TRPM3: variants seen among roughly 807,000 people sequenced by gnomAD.
TRPM3 encodes long transient receptor potential channel 3.
Under a neutral mutation model 181.2 loss-of-function variants are expected in TRPM3, and 77 were observed. That is an observed-to-expected ratio of 0.42 (90% CI 0.35 to 0.51). TRPM3 has a LOEUF of 0.51. Ranked by LOEUF, TRPM3 falls within the 20% of genes least tolerant of loss-of-function variation. The pLI, the probability that TRPM3 is intolerant of heterozygous loss-of-function variation, is 0.01. For missense variants in TRPM3, 1,759 were observed against 2,196.7 expected, an observed-to-expected ratio of 0.80 and a Z score of 3.98; for synonymous variants, 745 against 796.4, an observed-to-expected ratio of 0.94 and a Z score of 1.09.
At chr9:70,678,945 A>T (rs1445475345) in intron 9 of TRPM3, among the ~76,000 whole-genome samples, 1 of 152,270 alleles carries the variant, frequency 6.6e-6, no homozygotes, top group African/African-American at 2.4e-5. Flanking sequence ...AAGCCTTCGC[A>T]AAATAGAGTT....
chr9:71,436,583 G>A (rs1396610968), intron 1 of TRPM3, among the ~76,000 whole-genome samples: 5 of 152,124 alleles, frequency 3.3e-5, no homozygotes, highest in Non-Finnish European at 5.9e-5. Flanking sequence ...GATTACAGGC[G>A]TGAGCCACCA....
intron 1 of TRPM3, among the ~76,000 whole-genome samples, chr9:70,990,015 A>C (rs3124516): frequency 0.84 from 128,560 of 152,148 alleles, 54,682 homozygotes; most frequent in East Asian, 0.92. Flanking sequence ...AGGTACTGTA[A>C]ATTCTAAACT....
rs566778643 is a variant in TRPM3 at position 70,669,752 on chromosome 9, T to C, written c.1345+11754A>G. Among the ~76,000 whole-genome samples, 33 of 151,054 alleles carry C rather than the reference T, an allele frequency of 2.2e-4. No homozygotes were observed. In the South Asian group the frequency reaches 6.7e-3, roughly 31 times the overall value. On this transcript the variant is annotated intron_variant, in intron 9 of 25. Transcript: ENST00000677713. ...TTTCTTTCTTTCTTTCTTTTCTTTT[T>C]TTTTTTTTTGAGACAGCATCTCCCT... is the stretch of plus-strand genomic sequence containing the variant.
intron 1 of TRPM3, among the ~76,000 whole-genome samples, chr9:71,284,970 T>C (rs1471544500): frequency 6.6e-6 from 1 of 152,202 alleles, no homozygotes; most frequent in Non-Finnish European, 1.5e-5. Flanking sequence ...AAGCTGCAAT[T>C]CTCAAACATT....
intron 25 of TRPM3, 91 bp downstream of exon 25, chr9:70,549,450 AT>A (rs2045924683): frequency 6.3e-6 from 9 of 1,436,694 alleles, no homozygotes; most frequent in Non-Finnish European, 8.4e-6. Context: ...AACACAAAAG[AT>A]CTCTGTTTTG....
At chr9:70,550,722 T>A (rs1163630970) in intron 24 of TRPM3, among the ~76,000 whole-genome samples, 1 of 152,230 alleles carries the variant, frequency 6.6e-6, no homozygotes, top group Non-Finnish European at 1.5e-5. Context: ...TTTTGGACCC[T>A]CAGGGATTTA....
At chr9:71,096,590 A>ACACACACACACACACTCTCTCTCTCTCT (rs1452142664) in intron 1 of TRPM3, among the ~76,000 whole-genome samples, 1 of 89,998 alleles carries the variant, frequency 1.1e-5, no homozygotes, top group African/African-American at 5.2e-5. Flanking sequence ...ACACACACAC[A>ACACACACACACACACTCTCTCTCTCTCT]CTCTCTCTCT....
chr9:71,309,992 A>T (rs780194413), intron 1 of TRPM3, among the ~76,000 whole-genome samples: 103 of 152,276 alleles, frequency 6.8e-4, no homozygotes, highest in Admixed American at 2.9e-3. Context: ...TTCATAAATG[A>T]AACAGGTGTA....
At chr9:70,835,312 CT>C (rs34725105) in intron 5 of TRPM3, among the ~76,000 whole-genome samples, 6,480 of 150,536 alleles carry the variant, frequency 0.043, 234 homozygotes, top group East Asian at 0.13. Context: ...TTTTGAGGTA[CT>C]TTTTTTTTTT....
intron 1 of TRPM3, among the ~76,000 whole-genome samples, chr9:71,250,619 A>G (rs2082288236): frequency 6.6e-6 from 1 of 152,210 alleles, no homozygotes; most frequent in Non-Finnish European, 1.5e-5. Context: ...AAGGATTCCT[A>G]GTCTCAAGGA....
At chr9:70,759,768 G>A (rs2077743164) in intron 8 of TRPM3, among the ~76,000 whole-genome samples, 1 of 152,082 alleles carries the variant, frequency 6.6e-6, no homozygotes, top group Non-Finnish European at 1.5e-5. Context: ...TCACTCATAA[G>A]CTGGAGCTGA....
At chr9:70,758,779 T>C (rs570162327) in intron 8 of TRPM3, among the ~76,000 whole-genome samples, 1 of 152,354 alleles carries the variant, frequency 6.6e-6, no homozygotes, top group Non-Finnish European at 1.5e-5. Flanking sequence ...GATAGCCATA[T>C]GCAGAAAACT....
At chr9:71,075,907 T>C (rs1015571791) in intron 1 of TRPM3, among the ~76,000 whole-genome samples, 1 of 152,154 alleles carries the variant, frequency 6.6e-6, no homozygotes, top group Non-Finnish European at 1.5e-5. Context: ...TTCCTCTACA[T>C]GAAACACAAA....
intron 8 of TRPM3, among the ~76,000 whole-genome samples, chr9:70,738,789 T>G (rs2073342834): frequency 6.6e-6 from 1 of 152,086 alleles, no homozygotes; most frequent in African/African-American, 2.4e-5. Context: ...GAAATGAAAC[T>G]GGAGATATTA....
At chr9:71,151,144 T>C (rs1229553622) in intron 1 of TRPM3, among the ~76,000 whole-genome samples, 2 of 152,196 alleles carry the variant, frequency 1.3e-5, no homozygotes, top group African/African-American at 2.4e-5. Flanking sequence ...AAATGAAATA[T>C]TCATAAGTTG....
intron 7 of TRPM3, among the ~76,000 whole-genome samples, chr9:70,782,580 G>C (rs545097704): frequency 1.1e-4 from 17 of 152,210 alleles, no homozygotes; most frequent in African/African-American, 4.1e-4. Context: ...TGTAAACATA[G>C]AGAAGTTTGG....
chr9:71,428,593 CTG>C (rs906954804), intron 1 of TRPM3, among the ~76,000 whole-genome samples: 1 of 152,092 alleles, frequency 6.6e-6, no homozygotes, highest in Non-Finnish European at 1.5e-5. Flanking sequence ...GTATGTGTGA[CTG>C]TTTATATCAT....
intron 1 of TRPM3, among the ~76,000 whole-genome samples, chr9:70,926,836 G>C (rs2096726032): frequency 6.6e-6 from 1 of 152,186 alleles, no homozygotes; most frequent in African/African-American, 2.4e-5. Context: ...AAAGGTGTCA[G>C]CAACCTTGCA....
intron 1 of TRPM3, among the ~76,000 whole-genome samples, chr9:71,404,742 C>T (rs911147984): frequency 1.3e-5 from 2 of 152,152 alleles, no homozygotes; most frequent in African/African-American, 4.8e-5. Context: ...GGACTTCATG[C>T]AAAACAAAAG....
Sources: allele counts gnomAD v4.1 joint callset (sites outside exome capture counted in the v4.1 genomes callset), GRCh38; gene constraint gnomAD v4.1.1; transcripts MANE v1.5; gene names NCBI Gene and HGNC (gene_info 2026-07-23, HGNC 2026-07-21).